The following PCSK6 variants were observed in gnomAD, a reference collection of about 807,000 sequenced individuals.
PCSK6 encodes the protein paired basic amino acid cleaving enzyme 4.
Under a neutral mutation model 123.3 loss-of-function variants are expected in PCSK6, and 85 were observed. That is an observed-to-expected ratio of 0.69 (90% CI 0.58 to 0.83). PCSK6 has a LOEUF of 0.83. Among genes scored for constraint, PCSK6 ranks in the 40% least tolerant of loss-of-function variants. The probability of loss-of-function intolerance (pLI) is 0.00; values close to 1 mark genes in which losing one functional copy is unlikely to be tolerated. For synonymous variants in PCSK6, 508 were observed against 516.0 expected (o/e 0.98, Z 0.21); for missense variants, 1,191 against 1,282.3 (o/e 0.93, Z 1.09).
At chr15:101,334,125 C>T (rs897850498) in intron 13 of PCSK6, 3 of 152,344 alleles carry the variant, frequency 2.0e-5, no homozygotes, top group East Asian at 1.9e-4. Flanking sequence ...GCAGCTCCCC[C>T]TCCCTGACAC....
chr15:101,386,750 G>A (rs58197767), intron 9 of PCSK6, among the ~76,000 whole-genome samples: 2,929 of 152,310 alleles, frequency 0.019, 93 homozygotes, highest in African/African-American at 0.067. Context: ...ATGGACACTC[G>A]GGTTGCTCCC....
chr15:101,403,473 T>C (rs1191775029), intron 6 of PCSK6, among the ~76,000 whole-genome samples: 1 of 151,436 alleles, frequency 6.6e-6, no homozygotes, highest in African/African-American at 2.4e-5. Flanking sequence ...TAACAATAAC[T>C]GATTGGTTTT....
chr15:101,320,998 T>A (rs751795448), intron 18 of PCSK6, among the ~76,000 whole-genome samples: 4 of 152,166 alleles, frequency 2.6e-5, no homozygotes, highest in Non-Finnish European at 5.9e-5. Flanking sequence ...ACGGGATGCA[T>A]AAATGCATTC....
At chr15:101,459,445 A>ACCACCCAC (rs2057278373) in intron 1 of PCSK6, among the ~76,000 whole-genome samples, 3 of 144,640 alleles carry the variant, frequency 2.1e-5, no homozygotes, top group Non-Finnish European at 4.5e-5. Context: ...CTAAGTCCAC[A>ACCACCCAC]TCACCTGCTG....
chr15:101,481,099 G>C (rs35273664), intron 1 of PCSK6, among the ~76,000 whole-genome samples: 14,138 of 152,200 alleles, frequency 0.093, 633 homozygotes, highest in East Asian at 0.14. Context: ...GGCAGAATCG[G>C]AACTAACCTT....
intron 13 of PCSK6, 131 bp from the exon 14 acceptor site, chr15:101,332,162 A>G (rs1312938387): frequency 2.6e-6 from 2 of 774,144 alleles, no homozygotes; most frequent in African/African-American, 3.5e-5. Flanking sequence ...CTTCCTGGTT[A>G]CCTGCTGGCC....
intron 19 of PCSK6, 25 bp from the exon 20 acceptor site, chr15:101,313,530 G>A: frequency 6.3e-7 from 1 of 1,577,264 alleles, no homozygotes; most frequent in Non-Finnish European, 8.6e-7. Flanking sequence ...AAAAGAAGCA[G>A]GTATCAGGGA....
At chr15:101,422,770 C>T (rs113925984) in intron 6 of PCSK6, among the ~76,000 whole-genome samples, 69 of 152,096 alleles carry the variant, frequency 4.5e-4, no homozygotes, top group African/African-American at 1.2e-3. Context: ...TGCAGGCGCC[C>T]GCCACCGCGC....
At chr15:101,475,282 A>G (rs1280106170) in intron 1 of PCSK6, among the ~76,000 whole-genome samples, 4 of 152,204 alleles carry the variant, frequency 2.6e-5, no homozygotes, top group African/African-American at 7.2e-5. Context: ...ATTTTACTTC[A>G]AACAACAACA....
intron 13 of PCSK6, among the ~76,000 whole-genome samples, chr15:101,335,343 T>C: frequency 6.6e-6 from 1 of 152,240 alleles, no homozygotes; most frequent in East Asian, 1.9e-4. Flanking sequence ...ATGTTTAAAA[T>C]CTATGAATAA....
intron 6 of PCSK6, among the ~76,000 whole-genome samples, chr15:101,408,178 G>C (rs1196342220): frequency 2.0e-5 from 3 of 152,230 alleles, no homozygotes; most frequent in Non-Finnish European, 4.4e-5. Flanking sequence ...AACCCTAGAG[G>C]AGGCGCACGT....
intron 6 of PCSK6, among the ~76,000 whole-genome samples, chr15:101,404,624 G>T (rs2042714185): frequency 6.6e-6 from 1 of 152,174 alleles, no homozygotes. Context: ...GCTTCCACAT[G>T]ACCTTGGGCC....
chr15:101,477,946 AAGGAGGGGAGGATCCCATAGTAC>A (rs2057773292), intron 1 of PCSK6, among the ~76,000 whole-genome samples: 2 of 152,184 alleles, frequency 1.3e-5, no homozygotes, highest in Non-Finnish European at 2.9e-5. Flanking sequence ...GAGCCCTGAT[AAGGAGGGGAGGATCCCATAGTAC>A]AGGAGGACTT....
intron 14 of PCSK6, 76 bp downstream of exon 14, chr15:101,331,776 C>A (rs73493322): frequency 5.0e-6 from 8 of 1,598,248 alleles, no homozygotes; most frequent in Non-Finnish European, 6.8e-6. Flanking sequence ...CAGGAGCAGC[C>A]CTACATTTTA....
intron 13 of PCSK6, among the ~76,000 whole-genome samples, chr15:101,356,647 TC>T (rs1361037771): frequency 1.3e-5 from 2 of 151,314 alleles, no homozygotes; most frequent in Non-Finnish European, 2.9e-5. Flanking sequence ...GCCGTTGCAC[TC>T]CAGCCTGGGC....
In PCSK6 at chr15:101,316,718, C is replaced by T. The variant is rs1251285425; in HGVS notation, c.2569+1601G>A. Reference sequence around the variant, plus strand: ...ATGTCTCCCCTGGGTGGTCTGAGGTCAGCCTGGCAATCATAGGAGGACACT... The same window carrying T: ...ATGTCTCCCCTGGGTGGTCTGAGGTTAGCCTGGCAATCATAGGAGGACACT... On this transcript the variant is annotated intron_variant, in intron 19 of 21. Coordinates refer to ENST00000611716, the MANE Select transcript of PCSK6 (RefSeq NM_002570.5). Among the ~76,000 whole-genome samples, 5 of 152,156 alleles carry T rather than the reference C, an allele frequency of 3.3e-5. No individual in the cohort carries two copies. The East Asian group carries it at 9.6e-4, about 29-fold the overall frequency.
At chr15:101,382,451 C>T (rs2041938112) in intron 10 of PCSK6, among the ~76,000 whole-genome samples, 1 of 152,186 alleles carries the variant, frequency 6.6e-6, no homozygotes, top group South Asian at 2.1e-4. Context: ...AAACACGTCC[C>T]GCTTTGGTAC....
At position 101,326,443 on chromosome 15, in the gene PCSK6, T is replaced by A; in HGVS notation, c.2114A>T (p.Asp705Val). The change falls in exon 16 of 22, where the codon GAT becomes GTT. Residue 705 changes from aspartate (D) to valine (V), a missense_variant. By Grantham distance (152) the Asp-to-Val change is radical (BLOSUM62 -3). Transcript: ENST00000611716. Reference sequence around the variant, plus strand: ...CAAGCACTGGTCTGCATTGGGGCCATCACAGCCTTTGTCACCACACTCCGG... The same window carrying A: ...CAAGCACTGGTCTGCATTGGGGCCAACACAGCCTTTGTCACCACACTCCGG... Reference protein sequence around the residue: ...CHPECGDKGCDGPNADQCLNC... With the variant: ...CHPECGDKGCVGPNADQCLNC... The A allele has an allele frequency of 6.3e-7, 1 of 1,585,806 alleles. No homozygotes were observed.
intron 1 of PCSK6, among the ~76,000 whole-genome samples, chr15:101,483,620 G>C (rs1365988267): frequency 1.3e-5 from 2 of 152,214 alleles, no homozygotes; most frequent in African/African-American, 4.8e-5. Flanking sequence ...GATTTGGTAT[G>C]TGGAGAATAC....
Sources: allele counts gnomAD v4.1 joint callset (sites outside exome capture counted in the v4.1 genomes callset), GRCh38; gene constraint gnomAD v4.1.1; transcripts MANE v1.5; gene names NCBI Gene and HGNC (gene_info 2026-07-23, HGNC 2026-07-21).